The following ZHX3 variants were observed in gnomAD, a reference collection of about 807,000 sequenced individuals.
ZHX3 encodes zinc fingers and homeoboxes protein 3.
Under a neutral mutation model 64.5 loss-of-function variants are expected in ZHX3, and 20 were observed. The observed-to-expected ratio is 0.31, with a 90% CI of 0.22 to 0.45. The LOEUF (loss-of-function observed/expected upper bound fraction) is 0.45. Ranked by LOEUF, ZHX3 falls within the 20% of genes least tolerant of loss-of-function variation. ZHX3 has a pLI of 1.00. For missense variants in ZHX3, 1,041 were observed against 1,195.8 expected (o/e 0.87, Z 1.91); for synonymous variants, 423 against 461.6 (o/e 0.92, Z 1.07).
In ZHX3 at chr20:41,200,283, C is replaced by T. The variant is rs2038109562; in HGVS notation, c.2860+1774G>A. ...GTGCTGCTACTGCCATCTTCCATAA[C>T]ATCATTCTCCATGTCAGCTTTCGTA... On this transcript the variant is annotated intron_variant, in intron 3 of 3. Transcript: ENST00000683867. This position sits in a 1 kb window ranked among gnomAD's most constrained non-coding sequence, Gnocchi z 4.2. Among the ~76,000 whole-genome samples, 1 of 152,186 alleles carries T rather than the reference C, an allele frequency of 6.6e-6. No individual in the cohort carries two copies. Among genetic ancestry groups the T allele is most frequent in the Admixed American group, 6.5e-5 (1 of 15,288 alleles).
intron 2 of ZHX3, among the ~76,000 whole-genome samples, chr20:41,255,143 A>C (rs915594180): frequency 6.6e-6 from 1 of 152,094 alleles, no homozygotes; most frequent in South Asian, 2.1e-4. Context: ...AAGGATTTTG[A>C]AAAAATGATA....
At chr20:41,249,832 G>A (rs184837367) in intron 2 of ZHX3, among the ~76,000 whole-genome samples, 1 of 152,266 alleles carries the variant, frequency 6.6e-6, no homozygotes, top group East Asian at 1.9e-4. Flanking sequence ...AATTACTTAG[G>A]GACCCAGGAT....
chr20:41,192,989 C>G (rs2146150411), intron 3 of ZHX3, among the ~76,000 whole-genome samples: 1 of 152,352 alleles, frequency 6.6e-6, no homozygotes, highest in East Asian at 1.9e-4. Context: ...CAGTTCCCAG[C>G]CAATCCCAGC....
intron 2 of ZHX3, among the ~76,000 whole-genome samples, chr20:41,207,106 A>AT (rs1432379196): frequency 3.3e-5 from 5 of 152,204 alleles, no homozygotes; most frequent in Admixed American, 6.5e-5. Context: ...ATGCTGAGAG[A>AT]TTTTGTCACC....
At chr20:41,214,669 G>A (rs1315639402) in intron 2 of ZHX3, among the ~76,000 whole-genome samples, 2 of 152,182 alleles carry the variant, frequency 1.3e-5, no homozygotes, top group Non-Finnish European at 2.9e-5. Context: ...GTAAGCTTGG[G>A]TTTATTTGTT....
Position 41,183,368 on chromosome 20 carries a change from C to T in ZHX3, c.*1823G>A, listed in dbSNP as rs548768173. On this transcript the variant is annotated 3_prime_UTR_variant, in exon 4 of 4. Transcript: ENST00000683867. This position sits in a 1 kb window ranked among gnomAD's most constrained non-coding sequence, Gnocchi z 5.3. ...AATAGGCTGCAAAACTTGCCAAGTA[C>T]TCACAAGTCCCTGTTTGAGACAAAT... 6.6e-6 allele frequency: 1 copy of T among 152,326 alleles called. No homozygotes were observed. Among genetic ancestry groups the T allele is most frequent in the African/African-American group, 2.4e-5 (1 of 41,572 alleles). 9.4% of individuals were successfully genotyped at this position (152,326 alleles called of 1,614,324 possible). A position where few individuals can be genotyped will look rare whatever the true frequency, so the allele number is the denominator to read the frequency against.
intron 2 of ZHX3, among the ~76,000 whole-genome samples, chr20:41,207,260 C>A (rs1417115209): frequency 1.3e-5 from 2 of 152,116 alleles, no homozygotes; most frequent in Non-Finnish European, 2.9e-5. Flanking sequence ...GCAAAATAAC[C>A]AGCTAACATC....
intron 2 of ZHX3, among the ~76,000 whole-genome samples, chr20:41,233,651 A>C (rs2040772867): frequency 6.6e-6 from 1 of 152,240 alleles, no homozygotes; most frequent in Admixed American, 6.5e-5. Context: ...GATCAGCTGA[A>C]GCATGAGTTG....
In ZHX3 at chr20:41,195,878, T is replaced by A. The variant is rs1294162663; in HGVS notation, c.2860+6179A>T. On this transcript the variant is annotated intron_variant, in intron 3 of 3. Coordinates refer to ENST00000683867, the MANE Select transcript of ZHX3 (RefSeq NM_001384317.1). This position sits in a 1 kb window ranked among gnomAD's most constrained non-coding sequence, Gnocchi z 4.2. ...ACCCATTAGTTTTTAAATAGTGTGT[T>A]AATTTCCACCTATTTGTGTATTTCC... Among the ~76,000 whole-genome samples, 1 of 152,206 alleles carries A rather than the reference T, an allele frequency of 6.6e-6. No homozygotes were observed. Among genetic ancestry groups the A allele is most frequent in the Non-Finnish European group, 1.5e-5 (1 of 68,038 alleles).
chr20:41,265,429 C>A (rs191613820), intron 2 of ZHX3, among the ~76,000 whole-genome samples: 1 of 152,150 alleles, frequency 6.6e-6, no homozygotes, highest in Non-Finnish European at 1.5e-5. Flanking sequence ...CTCAAACTCC[C>A]GACCTCAGAT....
In ZHX3 at chr20:41,184,924, T is replaced by C. The variant is rs555448324; in HGVS notation, c.*267A>G. ...GAATATGACTATGAACTCTGAACTA[T>C]TTTATCCATTGGAAGGTAAAGGAAA... On this transcript the variant is annotated 3_prime_UTR_variant, in exon 4 of 4. Coordinates refer to ENST00000683867, the MANE Select transcript of ZHX3 (RefSeq NM_001384317.1). 6.5e-7 allele frequency: 1 copy of C among 1,539,400 alleles called. No homozygotes were observed. The highest frequency in any genetic ancestry group is 8.7e-7 in the Non-Finnish European group (1 of 1,146,424).
intron 2 of ZHX3, among the ~76,000 whole-genome samples, chr20:41,253,656 TC>T (rs1380495728): frequency 6.6e-6 from 1 of 152,138 alleles, no homozygotes; most frequent in African/African-American, 2.4e-5. Context: ...TATAGGTGTA[TC>T]CATTTGTCAA....
At chr20:41,288,661 G>A (rs950665316) in intron 1 of ZHX3, among the ~76,000 whole-genome samples, 2 of 151,964 alleles carry the variant, frequency 1.3e-5, no homozygotes, top group African/African-American at 4.8e-5. Context: ...GGGCCCAAAA[G>A]TTTGCCATAT....
rs2043493064 is a variant in ZHX3, at chr20:41,278,301, C to A, written c.-244-9218G>T. 2.2e-5 allele frequency among the ~76,000 whole-genome samples: 3 copies of A among 137,978 alleles called. No individual in the cohort carries two copies. The Admixed American group carries it at 2.2e-4, about 10-fold the overall frequency. The allele number at this position is 137,978 out of a possible 152,430, so 90.5% of individuals were successfully genotyped here. ...GAGGTTGCAGTGAGCAGAGATTGTG[C>A]CACTGTAACTCCAGCCTGGGTGACA... On this transcript the variant is annotated intron_variant, in intron 1 of 3. Coordinates refer to ENST00000683867, the MANE Select transcript of ZHX3 (RefSeq NM_001384317.1).
At chr20:41,230,661 T>G (rs191745320) in intron 2 of ZHX3, among the ~76,000 whole-genome samples, 1 of 152,350 alleles carries the variant, frequency 6.6e-6, no homozygotes, top group East Asian at 1.9e-4. Context: ...TCTGATAAAT[T>G]GGGTTAAATA....
intron 2 of ZHX3, among the ~76,000 whole-genome samples, chr20:41,235,809 T>C (rs561083442): frequency 6.5e-4 from 99 of 152,214 alleles, no homozygotes; most frequent in Non-Finnish European, 1.2e-3. Context: ...GGTATTCAAT[T>C]AGGAAAAGAG....
chr20:41,237,748 TTAAAGTA>T (rs2041108035), intron 2 of ZHX3, among the ~76,000 whole-genome samples: 1 of 152,068 alleles, frequency 6.6e-6, no homozygotes, highest in Non-Finnish European at 1.5e-5. Flanking sequence ...ACCCTAAAAC[TTAAAGTA>T]TAATTAAAAA....
At position 41,202,003 on chromosome 20, in the gene ZHX3, G is replaced by A. The variant is rs756093080; in HGVS notation, c.2860+54C>T. ...CAGTAAATTCAGTGCCCAACCATAA[G>A]TGCCTCCTCCCCTTACCCACACAGG... On this transcript the variant is annotated intron_variant, in intron 3 of 3. Transcript: ENST00000683867. The surrounding 1 kb of genome is among the most constrained non-coding windows in gnomAD (Gnocchi z 7.0). 6.6e-7 allele frequency: 1 copy of A among 1,510,786 alleles called. No homozygotes were observed. Among genetic ancestry groups the A allele is most frequent in the Admixed American group, 2.3e-5 (1 of 43,698 alleles). The allele number at this position is 1,510,786 out of a possible 1,614,324, so 93.6% of individuals were successfully genotyped here. A position where few individuals can be genotyped will look rare whatever the true frequency, so the allele number is the denominator to read the frequency against.
chr20:41,192,239 C>CA (rs1368638157), intron 3 of ZHX3, among the ~76,000 whole-genome samples: 1 of 152,180 alleles, frequency 6.6e-6, no homozygotes, highest in African/African-American at 2.4e-5. Context: ...GAGGAGTATT[C>CA]AAGTGCCAAT....
Sources: allele counts gnomAD v4.1 joint callset (sites outside exome capture counted in the v4.1 genomes callset), GRCh38; gene constraint gnomAD v4.1.1; non-coding constraint Gnocchi (gnomAD v3.1); transcripts MANE v1.5; gene names NCBI Gene and HGNC (gene_info 2026-07-23, HGNC 2026-07-21).